ZNF385D: variants seen among roughly 807,000 people sequenced by gnomAD.
ZNF385D encodes the protein zinc finger protein 385D, also known as zinc finger protein 659.
Under a neutral mutation model 35.8 loss-of-function variants are expected in ZNF385D, and 15 were observed. That is an observed-to-expected ratio of 0.42 (90% CI 0.28 to 0.64). The LOEUF is 0.64. Among genes scored for constraint, ZNF385D ranks in the 30% least tolerant of loss-of-function variants. ZNF385D has a pLI of 0.23. For missense variants in ZNF385D, 474 were observed against 494.6 expected (o/e 0.96, Z 0.39); for synonymous variants, 212 against 186.8 (o/e 1.13, Z -1.10).
At chr3:21,810,030 A>T (rs771481826) in intron 3 of ZNF385D, among the ~76,000 whole-genome samples, 1 of 152,184 alleles carries the variant, frequency 6.6e-6, no homozygotes, top group Admixed American at 6.5e-5. Flanking sequence ...AAACTTTCCA[A>T]TTTGTTATAA....
At chr3:21,761,869 C>CTTTTTTTT (rs58790934) in intron 3 of ZNF385D, among the ~76,000 whole-genome samples, 3 of 77,190 alleles carry the variant, frequency 3.9e-5, no homozygotes, top group Non-Finnish European at 6.6e-5. Context: ...CATTTTCTTC[C>CTTTTTTTT]TTTTTTTTTT....
intron 1 of ZNF385D, among the ~76,000 whole-genome samples, chr3:21,694,233 C>T (rs1286743418): frequency 2.0e-5 from 3 of 151,824 alleles, no homozygotes; most frequent in Non-Finnish European, 4.4e-5. Flanking sequence ...TCAGTGGAGA[C>T]GGGGTTTCAC....
intron 2 of ZNF385D, among the ~76,000 whole-genome samples, chr3:22,288,168 T>C (rs530620855): frequency 6.6e-6 from 1 of 152,240 alleles, no homozygotes; most frequent in Non-Finnish European, 1.5e-5. Flanking sequence ...AGTAGTTCTC[T>C]TGCTGTTTTC....
At chr3:21,835,031 C>G (rs1015340551) in intron 3 of ZNF385D, among the ~76,000 whole-genome samples, 1 of 151,984 alleles carries the variant, frequency 6.6e-6, no homozygotes, top group Non-Finnish European at 1.5e-5. Flanking sequence ...ATACACTGAC[C>G]TAGCAAGTGC....
chr3:21,639,067 A>G (rs543748592), intron 2 of ZNF385D, among the ~76,000 whole-genome samples: 3 of 152,226 alleles, frequency 2.0e-5, no homozygotes, highest in South Asian at 2.1e-4. Context: ...CCGACTCCCA[A>G]TCTGACTTAT....
At chr3:22,163,835 A>C (rs531964480) in intron 3 of ZNF385D, among the ~76,000 whole-genome samples, 6 of 152,346 alleles carry the variant, frequency 3.9e-5, no homozygotes, top group African/African-American at 1.4e-4. Flanking sequence ...TCATTTTGCA[A>C]TTGTGCATGT....
At chr3:21,977,559 C>G (rs1703710488) in intron 3 of ZNF385D, among the ~76,000 whole-genome samples, 1 of 152,104 alleles carries the variant, frequency 6.6e-6, no homozygotes. Flanking sequence ...TGGCTGATGA[C>G]TGAAATCCCA....
chr3:21,654,492 C>T (rs1002647051), intron 2 of ZNF385D, among the ~76,000 whole-genome samples: 6 of 152,068 alleles, frequency 3.9e-5, no homozygotes, highest in East Asian at 3.9e-4. Flanking sequence ...CTCAACCATA[C>T]GTTATATGAA....
chr3:21,818,120 T>G (rs541499297), intron 3 of ZNF385D, among the ~76,000 whole-genome samples: 10 of 152,028 alleles, frequency 6.6e-5, no homozygotes, highest in African/African-American at 2.4e-4. Flanking sequence ...TAGGTGGGAA[T>G]TCAACAATGA....
At chr3:21,870,004 ATTTT>A (rs1040833368) in intron 3 of ZNF385D, among the ~76,000 whole-genome samples, 1 of 151,726 alleles carries the variant, frequency 6.6e-6, no homozygotes. Flanking sequence ...CCCACTGTGG[ATTTT>A]TTTTTAAAAA....
At chr3:22,318,183 G>C (rs907148915) in intron 2 of ZNF385D, among the ~76,000 whole-genome samples, 2 of 152,140 alleles carry the variant, frequency 1.3e-5, no homozygotes, top group African/African-American at 4.8e-5. Flanking sequence ...GAAATGCTAG[G>C]GGTGGAGAAT....
At chr3:22,005,056 CAAAAAAAAAAAAAAA>C (rs71044965) in intron 3 of ZNF385D, among the ~76,000 whole-genome samples, 5 of 57,370 alleles carry the variant, frequency 8.7e-5, no homozygotes, top group African/African-American at 3.0e-4. Context: ...CACTCAGCAG[CAAAAAAAAAAAAAAA>C]AAAAAAAAAA....
intron 2 of ZNF385D, among the ~76,000 whole-genome samples, chr3:22,201,352 A>G (rs1320226083): frequency 3.9e-5 from 6 of 152,102 alleles, no homozygotes; most frequent in Non-Finnish European, 8.8e-5. Flanking sequence ...ACTGTTTTCC[A>G]CTTCTGTAAC....
chr3:22,262,762 T>TAA (rs367931744), intron 2 of ZNF385D, among the ~76,000 whole-genome samples: 156 of 151,076 alleles, frequency 1.0e-3, no homozygotes, highest in African/African-American at 3.6e-3. Flanking sequence ...TTTTGAGGAT[T>TAA]AAAAAAAAAG....
chr3:22,306,896 G>C (rs1450965456), intron 2 of ZNF385D, among the ~76,000 whole-genome samples: 2 of 152,130 alleles, frequency 1.3e-5, no homozygotes, highest in Non-Finnish European at 2.9e-5. Flanking sequence ...GCTGCGCTTT[G>C]AAGAGCGAAA....
chr3:22,123,185 G>A (rs753537978), intron 3 of ZNF385D, among the ~76,000 whole-genome samples: 3 of 152,078 alleles, frequency 2.0e-5, no homozygotes, highest in Non-Finnish European at 4.4e-5. Flanking sequence ...GAAGAGAAGA[G>A]AAGAGAAAAG....
rs1156712580 is a variant in ZNF385D at position 21,704,156 on chromosome 3, A to T, written c.23-39128T>A. On this transcript the variant is annotated intron_variant, in intron 1 of 7. Transcript: ENST00000281523. ...TACTCTAGGGTTTTTGCTCCCATGT[A>T]AGCTCCCTGAAACTGAACTTATTTT... Among the ~76,000 whole-genome samples, 2 of 152,172 alleles carry T rather than the reference A, an allele frequency of 1.3e-5. 1 individual carries two copies. Among genetic ancestry groups the T allele is most frequent in the Non-Finnish European group, 2.9e-5 (2 of 68,030 alleles).
chr3:21,837,063 G>A (rs138207105), intron 3 of ZNF385D, among the ~76,000 whole-genome samples: 3 of 152,176 alleles, frequency 2.0e-5, no homozygotes, highest in East Asian at 3.9e-4. Flanking sequence ...TATCCTTAAA[G>A]CTCTTTAAAG....
Position 21,412,465 on chromosome 3 carries a change from A to C in ZNF385D, c.*8749T>G, listed in dbSNP as rs1176000301. 6.6e-6 allele frequency: 1 copy of C among 152,102 alleles called. No homozygotes were observed. Among genetic ancestry groups the C allele is most frequent in the Non-Finnish European group, 1.5e-5 (1 of 67,982 alleles). 9.4% of individuals were successfully genotyped at this position (152,102 alleles called of 1,614,324 possible). A position where few individuals can be genotyped will look rare whatever the true frequency, so the allele number is the denominator to read the frequency against. On this transcript the variant is annotated 3_prime_UTR_variant, in exon 8 of 8. Coordinates refer to ENST00000281523, the MANE Select transcript of ZNF385D (RefSeq NM_024697.3). ...CCTTCAAACTTAAACCAAGTTGAAA[A>C]AAAAAGTTTCCCAAATTGAAAACAT...
Sources: gnomAD v4.1 joint callset for allele counts (sites outside exome capture counted in the v4.1 genomes callset) on GRCh38, gnomAD v4.1.1 for gene constraint, MANE v1.5 for transcripts, NCBI Gene and HGNC (gene_info 2026-07-23, HGNC 2026-07-21) for gene names.